Variants in LRRC3B observed in about 807,000 individuals in gnomAD.
LRRC3B encodes leucine rich repeat containing 3B.
A neutral mutation model predicts 12.8 loss-of-function variants in LRRC3B; 2 were observed. That is an observed-to-expected ratio of 0.16 (90% CI 0.06 to 0.49). The LOEUF (loss-of-function observed/expected upper bound fraction) is 0.49. Ranked by LOEUF, LRRC3B falls within the 20% of genes least tolerant of loss-of-function variation. LRRC3B has a pLI of 0.96. For missense variants in LRRC3B, 189 were observed against 319.4 expected (o/e 0.59, Z 3.11); for synonymous variants, 132 against 122.0 (o/e 1.08, Z -0.54).
intron 1 of LRRC3B, among the ~76,000 whole-genome samples, chr3:26,643,253 T>C (rs1200878812): frequency 1.6e-5 from 2 of 121,956 alleles, no homozygotes; most frequent in East Asian, 6.8e-4. Flanking sequence ...CACATATGTG[T>C]GAGTGTGTGT....
At chr3:26,704,077 G>A (rs1031092591) in intron 1 of LRRC3B, among the ~76,000 whole-genome samples, 3 of 152,030 alleles carry the variant, frequency 2.0e-5, no homozygotes, top group Non-Finnish European at 4.4e-5. Context: ...CTCACTTGGA[G>A]TTAACCATTA....
chr3:26,710,437 T>C (rs1479283075), exon 2 of LRRC3B: 2 of 1,609,466 alleles, frequency 1.2e-6, no homozygotes, highest in Non-Finnish European at 8.5e-7. Context: ...CTGATGATAT[T>C]AGCACTGTGG....
chr3:26,661,402 ATCT>A (rs946583869), intron 1 of LRRC3B, among the ~76,000 whole-genome samples: 16 of 152,154 alleles, frequency 1.1e-4, no homozygotes, highest in African/African-American at 3.6e-4. Flanking sequence ...GCCACACAAA[ATCT>A]TCTTCCTCAC....
At chr3:26,627,015 C>T (rs964672013) in intron 1 of LRRC3B, among the ~76,000 whole-genome samples, 1 of 152,124 alleles carries the variant, frequency 6.6e-6, no homozygotes, top group African/African-American at 2.4e-5. Context: ...AAAGTTTATG[C>T]TGATGTAAAG....
At chr3:26,634,859 T>C (rs753089336) in intron 1 of LRRC3B, among the ~76,000 whole-genome samples, 2 of 152,204 alleles carry the variant, frequency 1.3e-5, no homozygotes, top group African/African-American at 4.8e-5. Context: ...GCTTGCTTCA[T>C]TGGGCCTGGT....
At chr3:26,693,328 CAA>C (rs71950080) in intron 1 of LRRC3B, among the ~76,000 whole-genome samples, 1 of 96,122 alleles carries the variant, frequency 1.0e-5, no homozygotes. Context: ...AACTCCGTCT[CAA>C]AAAAAAAAAA....
At chr3:26,665,910 A>G (rs2125426647) in intron 1 of LRRC3B, among the ~76,000 whole-genome samples, 1 of 152,298 alleles carries the variant, frequency 6.6e-6, no homozygotes, top group East Asian at 1.9e-4. Context: ...GAGAGCTAAA[A>G]GTTTAATGTT....
intron 1 of LRRC3B, among the ~76,000 whole-genome samples, chr3:26,668,665 CT>C (rs1253478901): frequency 6.6e-6 from 1 of 152,082 alleles, no homozygotes; most frequent in Non-Finnish European, 1.5e-5. Flanking sequence ...TTTTGCTTTG[CT>C]TTTTTGTTGT....
chr3:26,710,524 C>A, exon 2 of LRRC3B: 1 of 1,409,878 alleles, frequency 7.1e-7, no homozygotes, highest in South Asian at 1.5e-5. Flanking sequence ...TGGTTTACTT[C>A]TCCCATCCAT....
chr3:26,671,361 T>G (rs1699730434), intron 1 of LRRC3B, among the ~76,000 whole-genome samples: 1 of 49,268 alleles, frequency 2.0e-5, no homozygotes, highest in South Asian at 8.2e-4. Flanking sequence ...TATATATATA[T>G]ATATATATAT....
At chr3:26,624,704 G>A (rs1335858453) in intron 1 of LRRC3B, 2 of 152,532 alleles carry the variant, frequency 1.3e-5, no homozygotes, top group Non-Finnish European at 1.5e-5. Flanking sequence ...CTCGGGTGAG[G>A]GGAGACCCAG....
intron 1 of LRRC3B, among the ~76,000 whole-genome samples, chr3:26,642,339 G>A (rs1470538289): frequency 6.6e-6 from 1 of 152,208 alleles, no homozygotes; most frequent in Non-Finnish European, 1.5e-5. Flanking sequence ...GTGTGGTGGA[G>A]GAGATGGCTC....
intron 1 of LRRC3B, among the ~76,000 whole-genome samples, chr3:26,667,214 G>A (rs192614676): frequency 4.6e-5 from 7 of 151,046 alleles, no homozygotes; most frequent in Admixed American, 4.6e-4. Flanking sequence ...AGCCTTCTAA[G>A]TGAATTTTGA....
At chr3:26,623,415 G>T (rs1199481021) in intron 1 of LRRC3B, among the ~76,000 whole-genome samples, 178 bp downstream of exon 1, 2 of 152,162 alleles carry the variant, frequency 1.3e-5, no homozygotes, top group Non-Finnish European at 2.9e-5. Context: ...TCCTCCTGGA[G>T]AGAGAGAGTC....
At chr3:26,680,086 C>A (rs1231775018) in intron 1 of LRRC3B, among the ~76,000 whole-genome samples, 1 of 152,178 alleles carries the variant, frequency 6.6e-6, no homozygotes, top group Non-Finnish European at 1.5e-5. Context: ...GATTCTGACA[C>A]AGTAGGTCTG....
intron 1 of LRRC3B, among the ~76,000 whole-genome samples, chr3:26,688,718 G>A (rs576137898): frequency 7.5e-4 from 114 of 152,164 alleles, no homozygotes; most frequent in African/African-American, 2.1e-3. Context: ...ATCCTCCCCC[G>A]TGTTCCAATC....
At chr3:26,685,523 CTATATA>C (rs57407254) in intron 1 of LRRC3B, among the ~76,000 whole-genome samples, 4,678 of 37,794 alleles carry the variant, frequency 0.12, 202 homozygotes, top group East Asian at 0.18. Flanking sequence ...CTCTCTCTCT[CTATATA>C]TATATATATA....
intron 1 of LRRC3B, among the ~76,000 whole-genome samples, chr3:26,681,601 C>A (rs1699972153): frequency 6.6e-6 from 1 of 152,124 alleles, no homozygotes; most frequent in Admixed American, 6.6e-5. Context: ...TTCAGGGTAG[C>A]TCTGGAGGTG....
chr3:26,682,882 T>C (rs1224466206), intron 1 of LRRC3B, among the ~76,000 whole-genome samples: 1 of 152,258 alleles, frequency 6.6e-6, no homozygotes, highest in African/African-American at 2.4e-5. Flanking sequence ...CACTTTTCCA[T>C]TTTGTTTACC....
Sources: gnomAD v4.1 joint callset for allele counts (sites outside exome capture counted in the v4.1 genomes callset) on GRCh38, gnomAD v4.1.1 for gene constraint, MANE v1.5 for transcripts, NCBI Gene and HGNC (gene_info 2026-07-23, HGNC 2026-07-21) for gene names.